Variants in RBFOX1 observed in about 807,000 individuals in gnomAD.
The protein encoded by RBFOX1 is RNA binding fox-1 homolog 1.
In RBFOX1, 8 loss-of-function variants were observed where a neutral mutation model predicts 57.7. The ratio of observed to expected loss-of-function variants is 0.14; its 90% CI spans 0.08 to 0.25. The LOEUF (loss-of-function observed/expected upper bound fraction) is 0.25. Ranked by LOEUF, RBFOX1 falls within the 10% of genes least tolerant of loss-of-function variation. RBFOX1 has a pLI of 1.00. For synonymous variants in RBFOX1, 326 were observed against 222.4 expected (o/e 1.47, Z -4.15); for missense variants, 611 against 548.5 (o/e 1.11, Z -1.14).
At chr16:6,038,531 G>GATT (rs1555483451) in intron 1 of RBFOX1, 1 of 133,960 alleles carries the variant, frequency 7.5e-6, no homozygotes, top group Non-Finnish European at 1.6e-5. Flanking sequence ...TATCCGTGGA[G>GATT]ATATATATAT....
At chr16:6,496,917 G>C (rs978287938) in intron 2 of RBFOX1, among the ~76,000 whole-genome samples, 1 of 152,022 alleles carries the variant, frequency 6.6e-6, no homozygotes, top group Non-Finnish European at 1.5e-5. Context: ...CCGAGACTAC[G>C]CCATTGCACT....
chr16:7,347,884 A>G (rs1282867039), intron 4 of RBFOX1, among the ~76,000 whole-genome samples: 1 of 152,108 alleles, frequency 6.6e-6, no homozygotes, highest in African/African-American at 2.4e-5. Flanking sequence ...GGCGTCTTGC[A>G]GGGTGTATTG....
chr16:6,849,461 G>C (rs887410588), intron 3 of RBFOX1, among the ~76,000 whole-genome samples: 1 of 152,066 alleles, frequency 6.6e-6, no homozygotes, highest in Non-Finnish European at 1.5e-5. Flanking sequence ...TGAGGCCAGG[G>C]GTTCGAGACC....
intron 4 of RBFOX1, among the ~76,000 whole-genome samples, chr16:7,063,014 C>T (rs930360176): frequency 2.8e-5 from 4 of 144,174 alleles, no homozygotes; most frequent in Admixed American, 1.5e-4. Context: ...ACTTGGAGAA[C>T]TGCAGAGCCA....
chr16:6,849,443 A>G (rs571142536), intron 3 of RBFOX1, among the ~76,000 whole-genome samples: 6 of 152,166 alleles, frequency 3.9e-5, no homozygotes, highest in Non-Finnish European at 7.4e-5. Flanking sequence ...TGAGGCTGGT[A>G]GATCACTTGA....
intron 1 of RBFOX1, among the ~76,000 whole-genome samples, chr16:5,454,943 C>CTTTCTTTCTTTCT (rs1567535714): frequency 1.1e-4 from 5 of 45,752 alleles, no homozygotes; most frequent in African/African-American, 3.2e-4. Flanking sequence ...TCCTTCCTTC[C>CTTTCTTTCTTTCT]TTCCTTCCTT....
chr16:5,721,580 C>G (rs557004160), intron 3 of RBFOX1, among the ~76,000 whole-genome samples: 1 of 152,134 alleles, frequency 6.6e-6, no homozygotes, highest in African/African-American at 2.4e-5. Context: ...TCGGCCATTG[C>G]GTATGATGCC....
intron 4 of RBFOX1, among the ~76,000 whole-genome samples, chr16:7,443,068 C>G (rs528669625): frequency 6.6e-6 from 1 of 152,184 alleles, no homozygotes; most frequent in African/African-American, 2.4e-5. Flanking sequence ...AAACCACAAA[C>G]CTTACCCTTC....
chr16:7,318,394 G>C (rs566488721), intron 4 of RBFOX1, among the ~76,000 whole-genome samples: 3 of 152,046 alleles, frequency 2.0e-5, no homozygotes, highest in Non-Finnish European at 4.4e-5. Flanking sequence ...GGTGATGAGA[G>C]TGATTCTGGT....
intron 2 of RBFOX1, among the ~76,000 whole-genome samples, chr16:5,492,929 C>G (rs1200591524): frequency 6.6e-6 from 1 of 152,220 alleles, no homozygotes; most frequent in Non-Finnish European, 1.5e-5. Context: ...ATCCTGTTCA[C>G]TTCTTTTGAC....
At chr16:6,578,438 A>T (rs2097478982) in intron 2 of RBFOX1, among the ~76,000 whole-genome samples, 1 of 152,168 alleles carries the variant, frequency 6.6e-6, no homozygotes. Context: ...TGGGTAGCTG[A>T]TGGAACAGTG....
At chr16:7,442,898 G>T (rs1320710046) in intron 4 of RBFOX1, among the ~76,000 whole-genome samples, 3 of 152,182 alleles carry the variant, frequency 2.0e-5, no homozygotes, top group Admixed American at 6.5e-5. Context: ...CTCCATCAAG[G>T]AGATGATTTG....
chr16:5,767,454 A>C (rs1331233567), intron 3 of RBFOX1, among the ~76,000 whole-genome samples: 1 of 152,154 alleles, frequency 6.6e-6, no homozygotes, highest in Non-Finnish European at 1.5e-5. Flanking sequence ...GTGGGTGAAT[A>C]CCTGAAGGTA....
At chr16:7,682,468 A>T (rs2146806940) in intron 14 of RBFOX1, among the ~76,000 whole-genome samples, 1 of 140,806 alleles carries the variant, frequency 7.1e-6, no homozygotes, top group East Asian at 2.0e-4. Flanking sequence ...CTGTGGAATC[A>T]ATACGTGGCA....
At chr16:6,174,264 G>T (rs567033578) in intron 1 of RBFOX1, among the ~76,000 whole-genome samples, 1 of 152,136 alleles carries the variant, frequency 6.6e-6, no homozygotes, top group Non-Finnish European at 1.5e-5. Flanking sequence ...CTGTTGCGCT[G>T]TCATCAGAAA....
chr16:6,994,239 T>C (rs1311803124), intron 3 of RBFOX1, among the ~76,000 whole-genome samples: 1 of 152,150 alleles, frequency 6.6e-6, no homozygotes, highest in Non-Finnish European at 1.5e-5. Flanking sequence ...AAGGTTAAGC[T>C]ATGGAGAGCA....
chr16:5,775,130 T>G (rs1029937879), intron 3 of RBFOX1, among the ~76,000 whole-genome samples: 1 of 152,138 alleles, frequency 6.6e-6, no homozygotes, highest in African/African-American at 2.4e-5. Context: ...GACAACAGAA[T>G]GTAGTCCACA....
intron 1 of RBFOX1, among the ~76,000 whole-genome samples, chr16:6,082,589 C>G (rs528725649): frequency 3.3e-5 from 5 of 152,014 alleles, no homozygotes; most frequent in Non-Finnish European, 7.4e-5. Flanking sequence ...CAGACCTTCT[C>G]TTTATCCCCT....
chr16:6,773,919 G>C (rs1038243957), intron 3 of RBFOX1: 2 of 984,004 alleles, frequency 2.0e-6, no homozygotes, highest in Non-Finnish European at 2.4e-6. Flanking sequence ...TTGCGTTGCG[G>C]GGGTGTGGAG....
Sources: allele counts gnomAD v4.1 joint callset (sites outside exome capture counted in the v4.1 genomes callset), GRCh38; gene constraint gnomAD v4.1.1; transcripts MANE v1.5; gene names NCBI Gene and HGNC (gene_info 2026-07-23, HGNC 2026-07-21).